The following AKR1E2 variants were observed in gnomAD, a reference collection of about 807,000 sequenced individuals.
AKR1E2 encodes 1,5-anhydro-D-fructose reductase.
AKR1E2 carries 43 observed loss-of-function variants against 41.9 expected under a neutral mutation model. That is an observed-to-expected ratio of 1.03 (90% CI 0.80 to 1.32). The LOEUF (loss-of-function observed/expected upper bound fraction) is 1.32, where lower values mean the gene tolerates loss of function less well. Among genes scored for constraint, AKR1E2 ranks in the 40% most tolerant of loss-of-function variants. AKR1E2 has a pLI of 0.00. For synonymous variants in AKR1E2, 121 were observed against 138.9 expected, an observed-to-expected ratio of 0.87 and a Z score of 0.91; for missense variants, 423 against 396.5, an observed-to-expected ratio of 1.07 and a Z score of -0.57.
the AKR1E2 span, among the ~76,000 whole-genome samples, chr10:4,862,072 T>C: frequency 6.6e-6 from 1 of 152,214 alleles, no homozygotes; most frequent in South Asian, 2.1e-4. Context: ...AGGTCTAACA[T>C]TTAAGTCTTT....
downstream of AKR1E2, among the ~76,000 whole-genome samples, chr10:4,850,751 C>G (rs1834505711): frequency 6.6e-6 from 1 of 152,078 alleles, no homozygotes; most frequent in Non-Finnish European, 1.5e-5. Context: ...GGTGAAATCC[C>G]CCATGGCATT....
chr10:4,825,320 G>A (rs753455235), upstream of AKR1E2, among the ~76,000 whole-genome samples: 3 of 152,308 alleles, frequency 2.0e-5, no homozygotes, highest in Non-Finnish European at 4.4e-5. Context: ...AAGGCAGTAG[G>A]ACTCCCAGGG....
At chr10:4,826,441 C>A in intron 1 of AKR1E2, 78 bp downstream of exon 1, 2 of 1,194,902 alleles carry the variant, frequency 1.7e-6, no homozygotes, top group Non-Finnish European at 2.1e-6. Flanking sequence ...GGACCCAGGC[C>A]GGGGCTGGGG....
At chr10:4,847,076 A>T in intron 8 of AKR1E2, 72 bp from the exon 9 acceptor site, 1 of 1,540,050 alleles carries the variant, frequency 6.5e-7, no homozygotes. Flanking sequence ...GCACTGTGCT[A>T]TGTAGGTAAC....
the AKR1E2 span, among the ~76,000 whole-genome samples, chr10:4,870,936 T>C: frequency 8.5e-3 from 1,300 of 152,254 alleles, 21 homozygotes; most frequent in African/African-American, 0.03. Context: ...TTAAGTCTTT[T>C]GTTATAGTTC....
intron 2 of AKR1E2, among the ~76,000 whole-genome samples, chr10:4,831,251 G>A (rs1223335431): frequency 1.3e-5 from 2 of 152,202 alleles, no homozygotes; most frequent in African/African-American, 4.8e-5. Flanking sequence ...TGGGTGTGGA[G>A]GAAGCAGCTT....
At chr10:4,854,413 A>G in the AKR1E2 span, among the ~76,000 whole-genome samples, 1 of 151,866 alleles carries the variant, frequency 6.6e-6, no homozygotes, top group East Asian at 1.9e-4. Flanking sequence ...TTTCTTAATA[A>G]ACTTGCTTTC....
the AKR1E2 span, among the ~76,000 whole-genome samples, chr10:4,867,955 T>A: frequency 6.6e-6 from 1 of 152,120 alleles, no homozygotes; most frequent in Non-Finnish European, 1.5e-5. Flanking sequence ...ATATATATAC[T>A]GCCCCCAGAG....
the AKR1E2 span, among the ~76,000 whole-genome samples, chr10:4,860,436 T>C: frequency 2.6e-5 from 4 of 152,204 alleles, no homozygotes; most frequent in African/African-American, 4.8e-5. Flanking sequence ...TGATGGACTC[T>C]TCATACTCTC....
Position 4,830,843 on chromosome 10 carries a change from G to A in AKR1E2, c.207+1G>A. 1.9e-6 allele frequency: 3 copies of A among 1,614,034 alleles called. No individual in the cohort carries two copies. The highest frequency in any genetic ancestry group is 8.5e-7 in the Non-Finnish European group (1 of 1,179,946). ...GGAGGATCTGTTCATTGCCACTAAG[G>A]TAGGGCTTCTCTATGCAAGGCTGGC... On this transcript the variant is annotated splice_donor_variant, in intron 2 of 9. Coordinates refer to ENST00000298375, the MANE Select transcript of AKR1E2 (RefSeq NM_001040177.3). LOFTEE classifies it high-confidence loss of function.
At chr10:4,863,842 A>G in the AKR1E2 span, among the ~76,000 whole-genome samples, 2 of 152,232 alleles carry the variant, frequency 1.3e-5, no homozygotes, top group East Asian at 3.8e-4. Context: ...CCTCTATGCA[A>G]ACAAATTAGA....
downstream of AKR1E2, among the ~76,000 whole-genome samples, chr10:4,849,678 A>G (rs747548481): frequency 2.0e-5 from 3 of 152,218 alleles, no homozygotes; most frequent in Non-Finnish European, 4.4e-5. Flanking sequence ...GGGAGGAATG[A>G]GTCTCAGCGC....
chr10:4,847,620 C>G lies in AKR1E2; in HGVS notation c.*90C>G. On this transcript the variant is annotated 3_prime_UTR_variant, in exon 10 of 10. Transcript: ENST00000298375. ...CTCCTCTGTCATCACAGCGCCAGGG[C>G]AGCTGTGCCTGGGACAGGAGCCACA... 6.9e-7 allele frequency: 1 copy of G among 1,455,436 alleles called. No individual in the cohort carries two copies. The highest frequency in any genetic ancestry group is 9.6e-7 in the Non-Finnish European group (1 of 1,046,532). 90.2% of individuals were successfully genotyped at this position (1,455,436 alleles called of 1,614,324 possible).
At chr10:4,849,830 G>A (rs1179688697), downstream of AKR1E2, among the ~76,000 whole-genome samples, 2 of 152,232 alleles carry the variant, frequency 1.3e-5, no homozygotes, top group South Asian at 2.1e-4. Context: ...CTGGCCACCA[G>A]GTGGCGCTGG....
upstream of AKR1E2, chr10:4,826,047 G>T (rs1286133868): frequency 2.6e-6 from 1 of 387,372 alleles, no homozygotes; most frequent in Non-Finnish European, 4.6e-6. Flanking sequence ...TCCAGAGCGC[G>T]GTGCTTCCAG....
At chr10:4,829,238 T>C (rs1832780536) in intron 1 of AKR1E2, among the ~76,000 whole-genome samples, 1 of 152,188 alleles carries the variant, frequency 6.6e-6, no homozygotes, top group Non-Finnish European at 1.5e-5. Flanking sequence ...CAAATATTGA[T>C]TGAGTTGACT....
downstream of AKR1E2, among the ~76,000 whole-genome samples, chr10:4,849,815 T>TG: frequency 6.6e-6 from 1 of 152,312 alleles, no homozygotes; most frequent in Middle Eastern, 3.4e-3. Flanking sequence ...GAAAACTGAG[T>TG]GAAGCTGGCC....
Position 4,842,515 on chromosome 10 carries a change from T to C in AKR1E2, c.837+11T>C. 2 of 1,612,536 alleles carry C rather than the reference T, an allele frequency of 1.2e-6. No individual in the cohort carries two copies. The highest frequency in any genetic ancestry group is 1.7e-6 in the Non-Finnish European group (2 of 1,178,718). On this transcript the variant is annotated intron_variant, in intron 8 of 9. Coordinates refer to ENST00000298375, the MANE Select transcript of AKR1E2 (RefSeq NM_001040177.3). ...AAAGAGAATATCCAGGTAGGTGTAT[T>C]CCTTCTTTTATTTGGCGGGTTTCAG...
At chr10:4,852,742 GTTT>G (rs1277016464), downstream of AKR1E2, among the ~76,000 whole-genome samples, 8 of 152,248 alleles carry the variant, frequency 5.3e-5, no homozygotes, top group South Asian at 2.1e-4. Context: ...TTATTTTGTT[GTTT>G]TTGTTCTAAA....
Sources: allele counts gnomAD v4.1 joint callset (sites outside exome capture counted in the v4.1 genomes callset), GRCh38; gene constraint gnomAD v4.1.1; transcripts MANE v1.5; gene names NCBI Gene and HGNC (gene_info 2026-07-23, HGNC 2026-07-21).